EFCAB7: variants seen among roughly 807,000 people sequenced by gnomAD.
EFCAB7 encodes EF-hand calcium binding domain 7, also known as EF-hand calcium-binding domain-containing protein 7.
EFCAB7 carries 66 observed loss-of-function variants against 77.1 expected under a neutral mutation model. The ratio of observed to expected loss-of-function variants is 0.86; its 90% CI spans 0.70 to 1.05. The LOEUF is 1.05. EFCAB7 is among the 50% of genes least tolerant of loss of function. The probability of loss-of-function intolerance (pLI) is 0.00; values close to 1 mark genes in which losing one functional copy is unlikely to be tolerated. For synonymous variants in EFCAB7, 225 were observed against 243.3 expected, an observed-to-expected ratio of 0.92 and a Z score of 0.70; for missense variants, 638 against 730.5, an observed-to-expected ratio of 0.87 and a Z score of 1.46.
chr1:63,555,317 T>G, intron 8 of EFCAB7, 41 bp from the exon 9 acceptor site: 2 of 1,565,278 alleles, frequency 1.3e-6, no homozygotes, highest in Non-Finnish European at 8.6e-7. Flanking sequence ...GATGAAAAGA[T>G]TAAGACTGAT....
intron 13 of EFCAB7, among the ~76,000 whole-genome samples, chr1:63,571,862 T>A (rs553353025): frequency 5.9e-5 from 9 of 152,248 alleles, no homozygotes; most frequent in Admixed American, 2.6e-4. Context: ...TAAGATTTTC[T>A]AAAGTATCCT....
intron 7 of EFCAB7, chr1:63,546,967 T>C (rs1447628874): frequency 6.6e-6 from 1 of 152,218 alleles, no homozygotes; most frequent in African/African-American, 2.4e-5. Context: ...CCTTTTTTAA[T>C]GTTGGCTGTT....
chr1:63,530,568 A>G (rs1001170293), intron 2 of EFCAB7, among the ~76,000 whole-genome samples: 2 of 152,252 alleles, frequency 1.3e-5, no homozygotes, highest in African/African-American at 4.8e-5. Flanking sequence ...ACATAAATAT[A>G]CAAAGCTTTT....
Position 63,544,836 on chromosome 1 carries a change from T to G in EFCAB7, c.805-1080T>G, listed in dbSNP as rs546171007. ...TTAGCAATCCTTAATTCTTCCTTCT[T>G]ACTGTGCTCCTAGCACTAATCTCAT... is the stretch of plus-strand genomic sequence containing the variant. On this transcript the variant is annotated intron_variant, in intron 6 of 13. Coordinates refer to ENST00000371088, the MANE Select transcript of EFCAB7 (RefSeq NM_032437.4). Among the ~76,000 whole-genome samples, 12 of 152,344 alleles carry G rather than the reference T, an allele frequency of 7.9e-5. 1 individual carries two copies. Among genetic ancestry groups the G allele is most frequent in the African/African-American group, 2.9e-4 (12 of 41,590 alleles).
chr1:63,548,926 C>T (rs947058853), intron 7 of EFCAB7: 1 of 155,584 alleles, frequency 6.4e-6, no homozygotes, highest in African/African-American at 2.4e-5. Flanking sequence ...AGGGTTGGCT[C>T]TAACGAATTT....
At chr1:63,578,182 TAGAA>T in the EFCAB7 span, among the ~76,000 whole-genome samples, 1 of 152,260 alleles carries the variant, frequency 6.6e-6, no homozygotes, top group East Asian at 1.9e-4. Context: ...AGGAGGGATT[TAGAA>T]AGAGGAGAGG....
intron 7 of EFCAB7, chr1:63,551,175 C>T (rs1023247865): frequency 1.3e-5 from 2 of 152,156 alleles, no homozygotes; most frequent in African/African-American, 4.8e-5. Flanking sequence ...CCTGCAACCT[C>T]AGCTTTTGAT....
At chr1:63,527,772 T>A (rs367743560) in intron 2 of EFCAB7, 8 of 152,242 alleles carry the variant, frequency 5.3e-5, no homozygotes, top group African/African-American at 1.7e-4. Flanking sequence ...CTGAGAAAGT[T>A]GTTCTTGTCT....
intron 2 of EFCAB7, among the ~76,000 whole-genome samples, chr1:63,530,120 A>G (rs1222653248): frequency 6.6e-6 from 1 of 152,214 alleles, no homozygotes; most frequent in Non-Finnish European, 1.5e-5. Context: ...CTTGTGCACA[A>G]TAATGTTCAA....
chr1:63,540,698 TAAC>T (rs1408254651), intron 6 of EFCAB7, among the ~76,000 whole-genome samples: 1 of 152,152 alleles, frequency 6.6e-6, no homozygotes, highest in Non-Finnish European at 1.5e-5. Flanking sequence ...GCAATATACT[TAAC>T]AAGATAAATT....
At position 63,541,525 on chromosome 1, in the gene EFCAB7, T is replaced by C. The variant is rs552769845; in HGVS notation, c.805-4391T>C. On this transcript the variant is annotated intron_variant, in intron 6 of 13. Coordinates refer to ENST00000371088, the MANE Select transcript of EFCAB7 (RefSeq NM_032437.4). ...TTAGAAATGACCTAAATGTCTAACA[T>C]TTTAGAAATAGTTAACTAAATAATG... Among the ~76,000 whole-genome samples, 14 of 152,262 alleles carry C rather than the reference T, an allele frequency of 9.2e-5. No individual in the cohort carries two copies. The East Asian group carries it at 2.1e-3, about 23-fold the overall frequency.
intron 7 of EFCAB7, among the ~76,000 whole-genome samples, chr1:63,546,387 C>T (rs895915094): frequency 5.3e-5 from 8 of 150,238 alleles, no homozygotes; most frequent in South Asian, 4.2e-4. Context: ...TTTTTTGAGA[C>T]GGAGTCTCCC....
chr1:63,567,614 A>G (rs184300924), intron 11 of EFCAB7, among the ~76,000 whole-genome samples: 41 of 152,314 alleles, frequency 2.7e-4, no homozygotes, highest in Admixed American at 2.4e-3. Flanking sequence ...CAAGGTACCT[A>G]TGTGAAAATA....
In EFCAB7 at chr1:63,571,651, C is replaced by T. The variant is rs558338986; in HGVS notation, c.1815+523C>T. Reference sequence around the variant, plus strand: ...CGCCATTGCACTCCAGCCTGAGCGACAAGAGTGAGACTCTGTCTCAAAAAA... The same window carrying T: ...CGCCATTGCACTCCAGCCTGAGCGATAAGAGTGAGACTCTGTCTCAAAAAA... On this transcript the variant is annotated intron_variant, in intron 13 of 13. Coordinates refer to ENST00000371088, the MANE Select transcript of EFCAB7 (RefSeq NM_032437.4). Among the ~76,000 whole-genome samples the T allele has an allele frequency of 7.3e-4, 74 of 101,026 alleles. 1 individual carries two copies. The highest frequency in any genetic ancestry group is 2.7e-3 in the African/African-American group (67 of 24,976). 66.3% of individuals were successfully genotyped at this position (101,026 alleles called of 152,430 possible). A position where few individuals can be genotyped will look rare whatever the true frequency, so the allele number is the denominator to read the frequency against.
At chr1:63,582,442 G>C in the EFCAB7 span, among the ~76,000 whole-genome samples, 3 of 152,208 alleles carry the variant, frequency 2.0e-5, no homozygotes, top group Non-Finnish European at 4.4e-5. Flanking sequence ...CGTTGCTGCA[G>C]CTATGCCAGC....
rs1465793651 is a variant in EFCAB7 at position 63,525,619 on chromosome 1, C to G, written c.47C>G (p.Ser16Ter). Reference sequence around the variant, plus strand: ...GATGCAACTTTCTCCAGTCAGAAATCAACACCTTCAGAGAGTCCTCGAACA... The same window carrying G: ...GATGCAACTTTCTCCAGTCAGAAATGAACACCTTCAGAGAGTCCTCGAACA... ...RSDATFSSQKSTPSESPRTKK... is the reference protein window; with the variant it reads ...RSDATFSSQK The change falls in exon 2 of 14, where the codon TCA becomes TGA. Residue 16 changes from serine (S) to a stop codon, truncating the protein, a stop_gained. Coordinates refer to ENST00000371088, the MANE Select transcript of EFCAB7 (RefSeq NM_032437.4). LOFTEE classifies it high-confidence loss of function. 1.3e-6 allele frequency: 2 copies of G among 1,581,492 alleles called. No homozygotes were observed.
chr1:63,538,307 T>C (rs532143379), intron 6 of EFCAB7, among the ~76,000 whole-genome samples: 1 of 152,322 alleles, frequency 6.6e-6, no homozygotes, highest in Non-Finnish European at 1.5e-5. Context: ...GTCAGCTTAA[T>C]CTATAATCCT....
At chr1:63,582,894 C>T in the EFCAB7 span, among the ~76,000 whole-genome samples, 11 of 152,018 alleles carry the variant, frequency 7.2e-5, no homozygotes, top group Non-Finnish European at 1.3e-4. Flanking sequence ...CGTGAGCCAC[C>T]GCACCCAGCC....
chr1:63,584,938 G>A, the EFCAB7 span, among the ~76,000 whole-genome samples: 5 of 152,130 alleles, frequency 3.3e-5, no homozygotes, highest in African/African-American at 1.2e-4. Flanking sequence ...GAGCATTTTT[G>A]TGACTGCATA....
Sources: allele counts gnomAD v4.1 joint callset (sites outside exome capture counted in the v4.1 genomes callset), GRCh38; gene constraint gnomAD v4.1.1; transcripts MANE v1.5; gene names NCBI Gene and HGNC (gene_info 2026-07-23, HGNC 2026-07-21).